The following TRPS1 variants were observed in gnomAD, a reference collection of about 807,000 sequenced individuals.
The protein encoded by TRPS1 is transcriptional repressor GATA binding 1, also known as zinc finger transcription factor Trps1.
A neutral mutation model predicts 101.2 loss-of-function variants in TRPS1; 6 were observed. The ratio of observed to expected loss-of-function variants is 0.06; its 90% CI spans 0.03 to 0.12. TRPS1 has a LOEUF of 0.12. TRPS1 is among the 10% of genes least tolerant of loss of function. The pLI is 1.00. For synonymous variants in TRPS1, 578 were observed against 589.8 expected (o/e 0.98, Z 0.29); for missense variants, 1,363 against 1,567.0 (o/e 0.87, Z 2.20).
chr8:115,425,793 T>G (rs1169613138), intron 5 of TRPS1, among the ~76,000 whole-genome samples: 1 of 152,198 alleles, frequency 6.6e-6, no homozygotes, highest in Non-Finnish European at 1.5e-5. Context: ...CCCATCTCCC[T>G]TCTTTAACTA....
At chr8:115,591,082 A>T (rs1464919883) in intron 4 of TRPS1, among the ~76,000 whole-genome samples, 1 of 152,188 alleles carries the variant, frequency 6.6e-6, no homozygotes, top group Non-Finnish European at 1.5e-5. Flanking sequence ...TAATGACATG[A>T]AAGAATGAGC....
chr8:115,661,865 G>T (rs1811805220), intron 1 of TRPS1, among the ~76,000 whole-genome samples: 1 of 150,302 alleles, frequency 6.7e-6, no homozygotes, highest in South Asian at 2.1e-4. Context: ...ACCTCCCTTT[G>T]CCTTATTTCC....
At chr8:115,575,224 A>T (rs1214234332) in intron 5 of TRPS1, among the ~76,000 whole-genome samples, 1 of 152,188 alleles carries the variant, frequency 6.6e-6, no homozygotes. Flanking sequence ...TAAGAAATCG[A>T]TAGACAGTTT....
chr8:115,646,841 T>A (rs1229147937), intron 1 of TRPS1, among the ~76,000 whole-genome samples: 1 of 152,166 alleles, frequency 6.6e-6, no homozygotes, highest in East Asian at 1.9e-4. Flanking sequence ...AAATCATATA[T>A]TAAAGGGACA....
At chr8:115,540,388 T>G (rs1816424069) in intron 5 of TRPS1, among the ~76,000 whole-genome samples, 1 of 152,144 alleles carries the variant, frequency 6.6e-6, no homozygotes. Context: ...TCTGTGTGCC[T>G]CCTATAAATA....
At chr8:115,491,602 C>A (rs1047982533) in intron 5 of TRPS1, among the ~76,000 whole-genome samples, 1 of 150,154 alleles carries the variant, frequency 6.7e-6, no homozygotes, top group African/African-American at 2.5e-5. Flanking sequence ...ATGCAGTGAG[C>A]CATGAGCGAG....
intron 5 of TRPS1, among the ~76,000 whole-genome samples, chr8:115,572,753 C>A (rs540501743): frequency 1.3e-5 from 2 of 152,220 alleles, no homozygotes; most frequent in Admixed American, 1.3e-4. Context: ...ATCTGAATGC[C>A]TTACAAACTT....
chr8:115,467,991 T>C (rs1011721063), intron 5 of TRPS1, among the ~76,000 whole-genome samples: 4 of 152,192 alleles, frequency 2.6e-5, no homozygotes, highest in Non-Finnish European at 5.9e-5. Flanking sequence ...CTTTGTTTTC[T>C]AGATTTTTCG....
chr8:115,409,261 G>GGAAAAAAAA lies in TRPS1; in HGVS notation c.*4761_*4762insTTTTTTTTC, dbSNP rs886062602. The GGAAAAAAAA allele has an allele frequency of 6.9e-4, 71 of 102,244 alleles. No individual in the cohort carries two copies. Among genetic ancestry groups the GGAAAAAAAA allele is most frequent in the South Asian group, 3.6e-4 (1 of 2,800 alleles). The allele number at this position is 102,244 out of a possible 1,614,324, so 6.3% of individuals were successfully genotyped here. A position where few individuals can be genotyped will look rare whatever the true frequency, so the allele number is the denominator to read the frequency against. On this transcript the variant is annotated 3_prime_UTR_variant, in exon 7 of 7. Transcript: ENST00000395715. ...TGATATGCTGCAGTTTATATGTTGG[G>GGAAAAAAAA]AAAAAAAAAAAAAAAAAAAACAGGG...
chr8:115,443,095 C>CA (rs528530047), intron 5 of TRPS1, among the ~76,000 whole-genome samples: 53 of 145,750 alleles, frequency 3.6e-4, no homozygotes, highest in South Asian at 1.3e-3. Context: ...GACTCCATCT[C>CA]AAAAAAAAAG....
chr8:115,421,876 C>T (rs1285357516), intron 5 of TRPS1, among the ~76,000 whole-genome samples: 1 of 152,166 alleles, frequency 6.6e-6, no homozygotes, highest in Non-Finnish European at 1.5e-5. Flanking sequence ...TATCAACATC[C>T]TTAGCCCAAT....
chr8:115,650,299 T>C (rs1811530386), intron 1 of TRPS1, among the ~76,000 whole-genome samples: 1 of 152,172 alleles, frequency 6.6e-6, no homozygotes, highest in South Asian at 2.1e-4. Context: ...GAAAAGCATG[T>C]TGGTATAATG....
At chr8:115,570,709 A>ACT (rs3837177) in intron 5 of TRPS1, among the ~76,000 whole-genome samples, 35,992 of 150,848 alleles carry the variant, frequency 0.24, 4,781 homozygotes, top group African/African-American at 0.34. Flanking sequence ...ACACACACAC[A>ACT]CACACACACA....
intron 5 of TRPS1, among the ~76,000 whole-genome samples, chr8:115,419,002 C>T (rs893327581): frequency 6.6e-6 from 1 of 152,144 alleles, no homozygotes; most frequent in African/African-American, 2.4e-5. Flanking sequence ...CTGAAAGATT[C>T]CTCTATTCCT....
At chr8:115,624,988 A>G (rs1343007294) in intron 1 of TRPS1, among the ~76,000 whole-genome samples, 4 of 151,724 alleles carry the variant, frequency 2.6e-5, no homozygotes, top group Admixed American at 1.3e-4. Flanking sequence ...ATTTAATGAC[A>G]TATTTACTCC....
chr8:115,507,260 G>A (rs1184186704), intron 5 of TRPS1, among the ~76,000 whole-genome samples: 1 of 152,020 alleles, frequency 6.6e-6, no homozygotes, highest in Non-Finnish European at 1.5e-5. Context: ...GAAGAAGGGG[G>A]CTGGAACAAA....
intron 5 of TRPS1, among the ~76,000 whole-genome samples, chr8:115,533,447 T>TTTG (rs1554583407): frequency 6.8e-5 from 9 of 131,506 alleles, no homozygotes; most frequent in African/African-American, 2.8e-4. Context: ...TTTTTTTTTT[T>TTTG]TTTTTTTTTT....
chr8:115,508,382 A>G (rs2130175617), intron 5 of TRPS1, among the ~76,000 whole-genome samples: 1 of 152,212 alleles, frequency 6.6e-6, no homozygotes, highest in East Asian at 1.9e-4. Context: ...GTTGACTGAA[A>G]TAAAAATTCT....
chr8:115,503,369 A>G (rs905064009), intron 5 of TRPS1, among the ~76,000 whole-genome samples: 1 of 152,092 alleles, frequency 6.6e-6, no homozygotes, highest in African/African-American at 2.4e-5. Flanking sequence ...AAAAACAAAA[A>G]CACTTTTTAC....
Sources: gnomAD v4.1 joint callset for allele counts (sites outside exome capture counted in the v4.1 genomes callset) on GRCh38, gnomAD v4.1.1 for gene constraint, MANE v1.5 for transcripts, NCBI Gene and HGNC (gene_info 2026-07-23, HGNC 2026-07-21) for gene names.